LRP2: variants seen among roughly 807,000 people sequenced by gnomAD.
LRP2 encodes the protein low-density lipoprotein receptor-related protein 2.
In LRP2, 172 loss-of-function variants were observed where a neutral mutation model predicts 531.0. The observed-to-expected ratio is 0.32, with a 90% CI of 0.29 to 0.37. The LOEUF (loss-of-function observed/expected upper bound fraction) is 0.37, where lower values mean the gene tolerates loss of function less well. Ranked by LOEUF, LRP2 falls within the 10% of genes least tolerant of loss-of-function variation. The pLI is 1.00. For missense variants in LRP2, 5,167 were observed against 5,868.3 expected, an observed-to-expected ratio of 0.88 and a Z score of 3.90; for synonymous variants, 1,992 against 2,027.6, an observed-to-expected ratio of 0.98 and a Z score of 0.47.
chr2:169,131,580 C>T (rs1417838573), intron 77 of LRP2, among the ~76,000 whole-genome samples: 2 of 152,144 alleles, frequency 1.3e-5, no homozygotes, highest in African/African-American at 4.8e-5. Flanking sequence ...CAGAGACATT[C>T]CAGATCCTAG....
Position 169,284,413 on chromosome 2 carries a change from C to A in LRP2, c.1043-1412G>T, listed in dbSNP as rs536511288. Among the ~76,000 whole-genome samples the A allele has an allele frequency of 1.3e-3, 190 of 151,572 alleles. 1 individual carries two copies. The highest frequency in any genetic ancestry group is 4.1e-3 in the African/African-American group (169 of 41,336). ...CCGAGTAGCTGGAACTACAGGTGTG[C>A]GCCACCACACCTGGCTAATATTTTT... On this transcript the variant is annotated intron_variant, in intron 9 of 78. Transcript: ENST00000649046.
intron 13 of LRP2, 140 bp from the exon 14 acceptor site, chr2:169,275,378 T>C: frequency 2.8e-6 from 2 of 701,920 alleles, no homozygotes; most frequent in East Asian, 2.7e-5. Flanking sequence ...AAAGATACAT[T>C]TTAGATGTAT....
At chr2:169,304,603 T>A (rs915842893) in intron 4 of LRP2, among the ~76,000 whole-genome samples, 31 of 152,298 alleles carry the variant, frequency 2.0e-4, no homozygotes, top group Admixed American at 5.9e-4. Context: ...GAAAGGAGAA[T>A]CTTTGACCCC....
At chr2:169,132,358 G>C (rs1685324094) in intron 77 of LRP2, among the ~76,000 whole-genome samples, 1 of 152,158 alleles carries the variant, frequency 6.6e-6, no homozygotes, top group Non-Finnish European at 1.5e-5. Flanking sequence ...ATGTTACAAG[G>C]AACATTATTC....
At chr2:169,138,457 C>T in intron 75 of LRP2, 120 bp downstream of exon 75, 1 of 1,090,044 alleles carries the variant, frequency 9.2e-7, no homozygotes. Flanking sequence ...GTAGTGCAGA[C>T]CTTATTCTGA....
intron 1 of LRP2, among the ~76,000 whole-genome samples, chr2:169,336,903 C>G (rs1360219795): frequency 6.6e-6 from 1 of 152,138 alleles, no homozygotes; most frequent in Non-Finnish European, 1.5e-5. Flanking sequence ...ACTCTGTTTA[C>G]TATAAGCACT....
intron 28 of LRP2, among the ~76,000 whole-genome samples, chr2:169,236,735 T>C (rs1559033177): frequency 6.6e-6 from 1 of 152,284 alleles, no homozygotes; most frequent in Non-Finnish European, 1.5e-5. Flanking sequence ...AAATCCAGCT[T>C]TTTTGTTGTA....
intron 1 of LRP2, among the ~76,000 whole-genome samples, chr2:169,334,840 A>T (rs1354105431): frequency 2.6e-5 from 4 of 152,236 alleles, no homozygotes; most frequent in Admixed American, 1.3e-4. Flanking sequence ...TGAGGATTAA[A>T]GAGGTCCCTG....
intron 63 of LRP2, among the ~76,000 whole-genome samples, chr2:169,162,142 A>G (rs1686611243): frequency 6.6e-6 from 1 of 152,212 alleles, no homozygotes; most frequent in South Asian, 2.1e-4. Flanking sequence ...TCTGCAGTGA[A>G]ACAGACCAGA....
chr2:169,204,842 CA>C (rs1191343199), intron 41 of LRP2, among the ~76,000 whole-genome samples: 1 of 152,124 alleles, frequency 6.6e-6, no homozygotes, highest in African/African-American at 2.4e-5. Flanking sequence ...TAAACAAAAT[CA>C]TTTCATCCCT....
At chr2:169,311,394 G>T (rs1217435905) in intron 3 of LRP2, among the ~76,000 whole-genome samples, 1 of 152,206 alleles carries the variant, frequency 6.6e-6, no homozygotes. Flanking sequence ...ATTCTGGTAT[G>T]TTGTGTCTTT....
chr2:169,269,875 C>T (rs994380563), intron 16 of LRP2, among the ~76,000 whole-genome samples: 1 of 152,174 alleles, frequency 6.6e-6, no homozygotes, highest in Non-Finnish European at 1.5e-5. Context: ...GGGCTAATAT[C>T]CAGAATCTAC....
In LRP2 at chr2:169,162,514, C is replaced by T. The variant is rs750913464; in HGVS notation, c.11845G>A (p.Asp3949Asn). The T allele has an allele frequency of 2.5e-6, 4 of 1,614,106 alleles. No individual in the cohort carries two copies. The highest frequency in any genetic ancestry group is 2.5e-6 in the Non-Finnish European group (3 of 1,180,024). The change falls in exon 63 of 79, where the codon GAT (aspartate) becomes AAT (asparagine). Residue 3949 changes from aspartate to asparagine, a missense_variant. Asp to Asn is a conservative substitution (Grantham distance 23). Coordinates refer to ENST00000649046, the MANE Select transcript of LRP2 (RefSeq NM_004525.3). The part of the protein sequence containing the change: ...HCIPHDNVCD[D>N]ADDCGDWSDE... ...GACCAGTCACCACAGTCATCGGCAT[C>T]ATCACACACATTGTCATGTGGAATG...
chr2:169,196,062 T>C (rs1018100397), intron 46 of LRP2, among the ~76,000 whole-genome samples: 2 of 152,328 alleles, frequency 1.3e-5, no homozygotes, highest in Non-Finnish European at 2.9e-5. Flanking sequence ...TGGAATATTA[T>C]AGTCATTAAA....
chr2:169,285,470 T>C lies in LRP2; in HGVS notation c.1043-2469A>G, dbSNP rs1331047675. ...GTTTTCGTGAGAGTAGAAAAGATAG[T>C]GGAAACCACACAAAACACTAAAACA... On this transcript the variant is annotated intron_variant, in intron 9 of 78. Transcript: ENST00000649046. Among the ~76,000 whole-genome samples the C allele has an allele frequency of 2.0e-5, 3 of 152,276 alleles. No individual in the cohort carries two copies. The East Asian group carries it at 5.8e-4, about 29-fold the overall frequency.
Position 169,289,043 on chromosome 2 carries a change from T to C in LRP2, c.1025A>G (p.Asp342Gly). ...TCACTTACCAACACAGGTACGGCTG[T>C]CATTGTGGTTGATGATATAACCTGG... ...CPPGYIINHN[D>G]SRTCVEFDDC... The change falls in exon 9 of 79, where the codon GAC (aspartate) becomes GGC (glycine). Residue 342 changes from aspartate (D) to glycine (G), a missense_variant. Asp to Gly is a moderately conservative substitution (Grantham distance 94). Around this residue, in one of 6 missense-constraint regions of LRP2, gnomAD observed 2,811 missense variants for 3,058.0 expected, o/e 0.92. Transcript: ENST00000649046. 1 of 1,614,022 alleles carries C rather than the reference T, an allele frequency of 6.2e-7. No homozygotes were observed. Among genetic ancestry groups the C allele is most frequent in the Non-Finnish European group, 8.5e-7 (1 of 1,179,966 alleles).
At chr2:169,198,529 G>A (rs1688080586) in intron 45 of LRP2, among the ~76,000 whole-genome samples, 1 of 152,212 alleles carries the variant, frequency 6.6e-6, no homozygotes, top group Admixed American at 6.5e-5. Flanking sequence ...TCAACACTGG[G>A]AGAAATGGCT....
chr2:169,163,640 A>G (rs181638507), intron 62 of LRP2, among the ~76,000 whole-genome samples: 1 of 152,346 alleles, frequency 6.6e-6, no homozygotes, highest in Admixed American at 6.5e-5. Context: ...AGAAGCAAAC[A>G]GATCAAATGC....
rs1363618684 is a variant in LRP2, at chr2:169,176,561, C to T, written c.10421G>A (p.Gly3474Asp). ...GATGAGGCAGAGATGAGAACAGCCA[C>T]CATTGTTGGTACCACAGGGATTGCT... is the stretch of plus-strand genomic sequence containing the variant. The part of the protein sequence containing the change: ...IVSNPCGTNN[G>D]GCSHLCLIKP... The change falls in exon 54 of 79, where the codon GGT becomes GAT. Residue 3474 changes from glycine (G) to aspartate (D), a missense_variant. Transcript: ENST00000649046. The T allele has an allele frequency of 6.2e-7, 1 of 1,614,114 alleles. No individual in the cohort carries two copies. Among genetic ancestry groups the T allele is most frequent in the Non-Finnish European group, 8.5e-7 (1 of 1,180,022 alleles).
Sources: allele counts gnomAD v4.1 joint callset (sites outside exome capture counted in the v4.1 genomes callset), GRCh38; gene constraint gnomAD v4.1.1; regional missense constraint gnomAD v4.1.1; transcripts MANE v1.5; gene names NCBI Gene and HGNC (gene_info 2026-07-23, HGNC 2026-07-21).